Variants in QTMAN observed in about 807,000 individuals in gnomAD.
QTMAN encodes the protein tRNA-queuosine alpha-mannosyltransferase.
At chr2:144,302,163 C>G in the QTMAN span, among the ~76,000 whole-genome samples, 1 of 152,012 alleles carries the variant, frequency 6.6e-6, no homozygotes, top group African/African-American at 2.4e-5. Flanking sequence ...AAATATCTGT[C>G]TACCAAAGTC....
the QTMAN span, among the ~76,000 whole-genome samples, chr2:144,208,955 G>C: frequency 6.6e-6 from 1 of 152,062 alleles, no homozygotes; most frequent in Non-Finnish European, 1.5e-5. Context: ...ATTTAAATAA[G>C]TATATAACAC....
the QTMAN span, among the ~76,000 whole-genome samples, chr2:144,030,353 T>C: frequency 0.011 from 1,679 of 152,340 alleles, 28 homozygotes; most frequent in African/African-American, 0.038. Context: ...CTCTCTACTT[T>C]ATCCTGAAAG....
chr2:144,217,751 A>G, the QTMAN span, among the ~76,000 whole-genome samples: 1 of 152,024 alleles, frequency 6.6e-6, no homozygotes, highest in Non-Finnish European at 1.5e-5. Context: ...TGGAGGGGGA[A>G]AAAAAAACAA....
chr2:144,176,516 C>A, the QTMAN span, among the ~76,000 whole-genome samples: 17 of 151,798 alleles, frequency 1.1e-4, no homozygotes, highest in Admixed American at 9.9e-4. Flanking sequence ...GTGAAAAAAA[C>A]CAAAGGTATA....
chr2:143,981,278 G>C, the QTMAN span, among the ~76,000 whole-genome samples: 26 of 151,984 alleles, frequency 1.7e-4, no homozygotes, highest in African/African-American at 5.5e-4. Flanking sequence ...GCTGAATAGA[G>C]ACATTTATAT....
chr2:144,217,734 C>G, the QTMAN span, among the ~76,000 whole-genome samples: 1 of 151,790 alleles, frequency 6.6e-6, no homozygotes, highest in Non-Finnish European at 1.5e-5. Context: ...GTCTTAAGAA[C>G]TAGGACTGGA....
At chr2:144,044,950 G>A in the QTMAN span, among the ~76,000 whole-genome samples, 1 of 152,202 alleles carries the variant, frequency 6.6e-6, no homozygotes, top group Non-Finnish European at 1.5e-5. Context: ...CACTTGCATT[G>A]CATTTGTCAT....
the QTMAN span, among the ~76,000 whole-genome samples, chr2:143,951,386 G>A: frequency 6.6e-6 from 1 of 151,458 alleles, no homozygotes; most frequent in African/African-American, 2.4e-5. Flanking sequence ...AACGAATGAG[G>A]GTAGTGAATG....
chr2:144,064,503 C>T, the QTMAN span, among the ~76,000 whole-genome samples: 1 of 152,206 alleles, frequency 6.6e-6, no homozygotes, highest in Non-Finnish European at 1.5e-5. Context: ...CACCTGTGAG[C>T]TCTGCCTGCC....
At chr2:144,195,566 CA>C in the QTMAN span, among the ~76,000 whole-genome samples, 1 of 152,036 alleles carries the variant, frequency 6.6e-6, no homozygotes. Context: ...TTCATGTTTC[CA>C]AAAGCCTGAA....
the QTMAN span, among the ~76,000 whole-genome samples, chr2:144,287,997 G>C: frequency 6.6e-6 from 1 of 151,978 alleles, no homozygotes; most frequent in Non-Finnish European, 1.5e-5. Flanking sequence ...TGGGATTACA[G>C]GCGCACACCA....
At chr2:144,300,050 G>A in the QTMAN span, among the ~76,000 whole-genome samples, 1 of 152,194 alleles carries the variant, frequency 6.6e-6, no homozygotes, top group South Asian at 2.1e-4. Flanking sequence ...CAACTTATAT[G>A]AGGTACCTAG....
the QTMAN span, among the ~76,000 whole-genome samples, chr2:143,990,925 A>G: frequency 6.6e-6 from 1 of 152,202 alleles, no homozygotes; most frequent in African/African-American, 2.4e-5. Flanking sequence ...GTGACCGAAA[A>G]GTTCTGAAAA....
the QTMAN span, among the ~76,000 whole-genome samples, chr2:144,246,949 G>A: frequency 7.2e-5 from 11 of 152,192 alleles, no homozygotes; most frequent in Non-Finnish European, 2.9e-5. Flanking sequence ...AAACCTATAG[G>A]AAAGTTACTT....
the QTMAN span, among the ~76,000 whole-genome samples, chr2:144,142,909 A>G: frequency 2.6e-5 from 4 of 152,006 alleles, no homozygotes; most frequent in Admixed American, 1.3e-4. Flanking sequence ...TGTAATATAT[A>G]TTCAATTGAA....
the QTMAN span, chr2:144,007,193 CCAGA>C: frequency 2.5e-6 from 4 of 1,585,676 alleles, no homozygotes; most frequent in Admixed American, 1.7e-5. Flanking sequence ...ACCTGTGAGG[CCAGA>C]CAATGTGTAG....
the QTMAN span, among the ~76,000 whole-genome samples, chr2:144,292,245 A>G: frequency 6.6e-6 from 1 of 152,294 alleles, no homozygotes; most frequent in East Asian, 1.9e-4. Context: ...CTAATCACCA[A>G]CAGCTCCCCC....
chr2:143,944,239 G>GCACACA, the QTMAN span: 5 of 148,824 alleles, frequency 3.4e-5, no homozygotes, highest in African/African-American at 9.9e-5. Flanking sequence ...ATGTGCGTGT[G>GCACACA]CACACACACA....
chr2:144,303,374 T>G, the QTMAN span, among the ~76,000 whole-genome samples: 1 of 152,244 alleles, frequency 6.6e-6, no homozygotes, highest in African/African-American at 2.4e-5. Context: ...ATAATGAAGA[T>G]GATTTATTTA....
Sources: gnomAD v4.1 joint callset for allele counts (sites outside exome capture counted in the v4.1 genomes callset) on GRCh38, gnomAD v4.1.1 for gene constraint, MANE v1.5 for transcripts, NCBI Gene and HGNC (gene_info 2026-07-23, HGNC 2026-07-21) for gene names.